PCDHGA9: variants seen among roughly 807,000 people sequenced by gnomAD.
PCDHGA9 encodes protocadherin gamma-A9.
PCDHGA9 carries 37 observed loss-of-function variants against 62.5 expected under a neutral mutation model. The observed-to-expected ratio is 0.59, with a 90% CI of 0.46 to 0.78. The LOEUF (loss-of-function observed/expected upper bound fraction) is 0.78. Ranked by LOEUF, PCDHGA9 falls within the 30% of genes least tolerant of loss-of-function variation. The pLI is 0.00. For missense variants in PCDHGA9, 1,138 were observed against 1,166.2 expected, an observed-to-expected ratio of 0.98 and a Z score of 0.35; for synonymous variants, 459 against 484.6, an observed-to-expected ratio of 0.95 and a Z score of 0.69.
intron 1 of PCDHGA9, among the ~76,000 whole-genome samples, chr5:141,435,561 T>A (rs2154556722): frequency 6.6e-6 from 1 of 152,294 alleles, no homozygotes; most frequent in South Asian, 2.1e-4. Flanking sequence ...TGAGTGCTTT[T>A]TTTAGTACTG....
intron 1 of PCDHGA9, chr5:141,417,858 C>A (rs561149517): frequency 1.3e-6 from 2 of 1,547,240 alleles, no homozygotes; most frequent in African/African-American, 1.4e-5. Context: ...CCCGAGCGAA[C>A]GATGGGAGGG....
Position 141,491,757 on chromosome 5 carries a change from C to G in PCDHGA9, c.2425-3050C>G. ...CTGGGGGCGGCACTGGAGAAGCCGC[C>G]CGTCCTCATAAGGGATTGAACTTGC... On this transcript the variant is annotated intron_variant, in intron 1 of 3. Coordinates refer to ENST00000573521, the MANE Select transcript of PCDHGA9 (RefSeq NM_018921.3). This position sits in a 1 kb window ranked among gnomAD's most constrained non-coding sequence, Gnocchi z 6.9. 1 of 1,580,374 alleles carries G rather than the reference C, an allele frequency of 6.3e-7. No individual in the cohort carries two copies. The highest frequency in any genetic ancestry group is 1.9e-5 in the Admixed American group (1 of 53,534).
chr5:141,423,775 T>A, intron 1 of PCDHGA9: 1 of 1,209,960 alleles, frequency 8.3e-7, no homozygotes, highest in Non-Finnish European at 1.1e-6. Context: ...GCGGCATATA[T>A]TTAGTTCATA....
At chr5:141,423,090 G>A in intron 1 of PCDHGA9, 2 of 1,614,022 alleles carry the variant, frequency 1.2e-6, no homozygotes, top group Non-Finnish European at 1.7e-6. Flanking sequence ...TCGCGGTGGG[G>A]GAGCACACGG....
chr5:141,491,895 A>C lies in PCDHGA9; in HGVS notation c.2425-2912A>C. 1.4e-6 allele frequency: 2 copies of C among 1,434,306 alleles called. No individual in the cohort carries two copies. The highest frequency in any genetic ancestry group is 1.8e-6 in the Non-Finnish European group (2 of 1,084,904). 88.8% of individuals were successfully genotyped at this position (1,434,306 alleles called of 1,614,324 possible). Reference sequence around the variant, plus strand: ...CCGATTAAGGGATGGGGCTCCGAGCACCGGGGGTGGTGGCGACTGTGGGCG... The same window carrying C: ...CCGATTAAGGGATGGGGCTCCGAGCCCCGGGGGTGGTGGCGACTGTGGGCG... On this transcript the variant is annotated intron_variant, in intron 1 of 3. Transcript: ENST00000573521. The surrounding 1 kb of genome is among the most constrained non-coding windows in gnomAD (Gnocchi z 6.9).
chr5:141,407,807 T>C (rs916388568), intron 1 of PCDHGA9, among the ~76,000 whole-genome samples: 1 of 152,202 alleles, frequency 6.6e-6, no homozygotes, highest in African/African-American at 2.4e-5. Flanking sequence ...CATAGAAATA[T>C]CTACTATAAT....
At chr5:141,506,226 G>A (rs1248069119) in intron 3 of PCDHGA9, among the ~76,000 whole-genome samples, 3 of 152,152 alleles carry the variant, frequency 2.0e-5, no homozygotes, top group Non-Finnish European at 1.5e-5. Flanking sequence ...TGAGGCAGGA[G>A]GATCATGAGG....
Position 141,493,891 on chromosome 5 carries a change from G to A in PCDHGA9, c.2425-916G>A, listed in dbSNP as rs1595204910. On this transcript the variant is annotated intron_variant, in intron 1 of 3. Transcript: ENST00000573521. The surrounding 1 kb of genome is among the most constrained non-coding windows in gnomAD (Gnocchi z 4.3). ...CCAGTGAGGAGGTGGCTCTAGGAGT[G>A]CTCCATGAGAGTGTGTGATGGGATA... Among the ~76,000 whole-genome samples, 1 of 152,300 alleles carries A rather than the reference G, an allele frequency of 6.6e-6. No homozygotes were observed. The highest frequency in any genetic ancestry group is 1.5e-5 in the Non-Finnish European group (1 of 68,018).
intron 1 of PCDHGA9, chr5:141,408,720 A>G (rs1325828281): frequency 6.2e-7 from 1 of 1,611,214 alleles, no homozygotes; most frequent in African/African-American, 1.3e-5. Context: ...TATAAGATAA[A>G]CTCTAATCCT....
At chr5:141,460,150 T>G (rs1169568683) in intron 1 of PCDHGA9, among the ~76,000 whole-genome samples, 1 of 152,106 alleles carries the variant, frequency 6.6e-6, no homozygotes, top group East Asian at 1.9e-4. Context: ...ATGTGAGCTC[T>G]TTGTCACATA....
intron 1 of PCDHGA9, among the ~76,000 whole-genome samples, chr5:141,459,307 A>G (rs1175102009): frequency 6.6e-6 from 1 of 152,198 alleles, no homozygotes; most frequent in Non-Finnish European, 1.5e-5. Context: ...AACATATACT[A>G]TTTTGTATCC....
Position 141,431,500 on chromosome 5 carries a change from C to T in PCDHGA9, c.2424+26124C>T, listed in dbSNP as rs903027252. On this transcript the variant is annotated intron_variant, in intron 1 of 3. Transcript: ENST00000573521. This position sits in a 1 kb window ranked among gnomAD's most constrained non-coding sequence, Gnocchi z 4.8. ...CACCAGCGTTTGCTCAGCCCGAGTACCGCGCGAGCGTTCCGGAGAATCTGG... is the reference window on the plus strand; with the variant it reads ...CACCAGCGTTTGCTCAGCCCGAGTATCGCGCGAGCGTTCCGGAGAATCTGG... The T allele has an allele frequency of 4.4e-5, 71 of 1,613,894 alleles. No individual in the cohort carries two copies. The highest frequency in any genetic ancestry group is 5.9e-5 in the Non-Finnish European group (70 of 1,180,050).
rs1348297963 is a variant in PCDHGA9, at chr5:141,487,103, G to A, written c.2425-7704G>A. 6.2e-7 allele frequency: 1 copy of A among 1,614,124 alleles called. No individual in the cohort carries two copies. Among genetic ancestry groups the A allele is most frequent in the Non-Finnish European group, 8.5e-7 (1 of 1,180,000 alleles). On this transcript the variant is annotated intron_variant, in intron 1 of 3. Coordinates refer to ENST00000573521, the MANE Select transcript of PCDHGA9 (RefSeq NM_018921.3). The surrounding 1 kb of genome is among the most constrained non-coding windows in gnomAD (Gnocchi z 5.0). ...AGCTGACCTCCCACCACAGAAGCTG[G>A]TCATTGTGGTAAAGGATAGTGGTAG...
rs562011010 is a variant in PCDHGA9, at chr5:141,427,600, G to A, written c.2424+22224G>A. On this transcript the variant is annotated intron_variant, in intron 1 of 3. Coordinates refer to ENST00000573521, the MANE Select transcript of PCDHGA9 (RefSeq NM_018921.3). ...TCATCCAGCACAAGCCTCACCCTAC[G>A]CATTGGTGAAGTCAACGACAATGCT... The A allele has an allele frequency of 6.7e-5, 46 of 683,296 alleles. 1 individual carries two copies. The East Asian group carries it at 1.2e-3, about 18-fold the overall frequency. 42.3% of individuals were successfully genotyped at this position (683,296 alleles called of 1,614,324 possible). A position where few individuals can be genotyped will look rare whatever the true frequency, so the allele number is the denominator to read the frequency against.
At position 141,476,746 on chromosome 5, in the gene PCDHGA9, C is replaced by A; in HGVS notation, c.2425-18061C>A. 1 of 1,614,068 alleles carries A rather than the reference C, an allele frequency of 6.2e-7. No homozygotes were observed. On this transcript the variant is annotated intron_variant, in intron 1 of 3. Transcript: ENST00000573521. The surrounding 1 kb of genome is among the most constrained non-coding windows in gnomAD (Gnocchi z 7.6). ...TGGACCGAGAACGGGAGCCTAGTCT[C>A]CAGTTAGTGCTGACGGCGTTGGACG...
At chr5:141,443,317 C>CAA (rs35054295) in intron 1 of PCDHGA9, among the ~76,000 whole-genome samples, 2,546 of 141,926 alleles carry the variant, frequency 0.018, 55 homozygotes, top group African/African-American at 0.052. Flanking sequence ...CCCATCTCTA[C>CAA]AAAAAAAAAA....
chr5:141,483,573 G>A (rs2099583012), intron 1 of PCDHGA9, among the ~76,000 whole-genome samples: 1 of 152,072 alleles, frequency 6.6e-6, no homozygotes, highest in Non-Finnish European at 1.5e-5. Context: ...GTGAATTCTG[G>A]CATAAACACC....
At position 141,403,108 on chromosome 5, in the gene PCDHGA9, G is replaced by A. The variant is rs189164879; in HGVS notation, c.156G>A (p.Leu52=). The A allele has an allele frequency of 2.7e-5, 43 of 1,614,086 alleles. No homozygotes were observed. In the African/African-American group the frequency reaches 5.1e-4, roughly 19 times the overall value. ...TTGTGGGCAACATCTCCAAGGACCT[G>A]GCTCTGGAGCCCCGGGAGCTGGCGG... ...GYIVGNISKD[L]ALEPRELAER... The change falls in exon 1 of 4, where the codon CTG becomes CTA. Residue 52 remains leucine (L), a synonymous_variant. Coordinates refer to ENST00000573521, the MANE Select transcript of PCDHGA9 (RefSeq NM_018921.3).
chr5:141,415,098 G>A, intron 1 of PCDHGA9: 5 of 1,613,586 alleles, frequency 3.1e-6, no homozygotes, highest in Non-Finnish European at 4.2e-6. Context: ...ACAGAGACGC[G>A]CTCAAGCAAA....
Sources: allele counts gnomAD v4.1 joint callset (sites outside exome capture counted in the v4.1 genomes callset), GRCh38; gene constraint gnomAD v4.1.1; non-coding constraint Gnocchi (gnomAD v3.1); transcripts MANE v1.5; gene names NCBI Gene and HGNC (gene_info 2026-07-23, HGNC 2026-07-21).